The following GPC6 variants were observed in gnomAD, a reference collection of about 807,000 sequenced individuals.
The protein encoded by GPC6 is glypican-6.
Under a neutral mutation model 55.2 loss-of-function variants are expected in GPC6, and 14 were observed. That is an observed-to-expected ratio of 0.25 (90% CI 0.17 to 0.40). The LOEUF is 0.40. Ranked by LOEUF, GPC6 falls within the 10% of genes least tolerant of loss-of-function variation. The pLI is 1.00. For synonymous variants in GPC6, 278 were observed against 259.6 expected, an observed-to-expected ratio of 1.07 and a Z score of -0.68; for missense variants, 641 against 708.5, an observed-to-expected ratio of 0.90 and a Z score of 1.08.
intron 1 of GPC6, among the ~76,000 whole-genome samples, chr13:93,519,354 T>C (rs1308974199): frequency 3.9e-5 from 6 of 152,000 alleles, no homozygotes; most frequent in Admixed American, 1.3e-4. Flanking sequence ...TACACACACA[T>C]ACACACACAT....
At chr13:93,633,138 G>A (rs922655446) in intron 2 of GPC6, among the ~76,000 whole-genome samples, 2 of 152,122 alleles carry the variant, frequency 1.3e-5, no homozygotes, top group African/African-American at 4.8e-5. Context: ...GGTCATACTT[G>A]TGAGAAACTG....
intron 2 of GPC6, among the ~76,000 whole-genome samples, chr13:93,688,403 A>C (rs1882127451): frequency 6.6e-6 from 1 of 152,106 alleles, no homozygotes; most frequent in African/African-American, 2.4e-5. Context: ...TTACCATGTG[A>C]TCCAGCAATT....
At chr13:94,040,375 A>G (rs970772633) in intron 4 of GPC6, among the ~76,000 whole-genome samples, 14 of 151,980 alleles carry the variant, frequency 9.2e-5, no homozygotes, top group East Asian at 3.9e-4. Context: ...AAGGAACAAC[A>G]CAAATATACA....
At chr13:93,697,023 C>T (rs1882484517) in intron 2 of GPC6, among the ~76,000 whole-genome samples, 1 of 152,148 alleles carries the variant, frequency 6.6e-6, no homozygotes, top group African/African-American at 2.4e-5. Flanking sequence ...CAAGGAATCC[C>T]TTTCTCCATA....
At chr13:93,701,394 T>C (rs1882664455) in intron 2 of GPC6, among the ~76,000 whole-genome samples, 1 of 150,732 alleles carries the variant, frequency 6.6e-6, no homozygotes, top group African/African-American at 2.5e-5. Flanking sequence ...ATAAATACTT[T>C]ATTGCTAAAA....
chr13:93,699,743 C>T (rs924950714), intron 2 of GPC6, among the ~76,000 whole-genome samples: 1 of 152,032 alleles, frequency 6.6e-6, no homozygotes, highest in Non-Finnish European at 1.5e-5. Flanking sequence ...GATTCTATTA[C>T]TATGGATATA....
intron 3 of GPC6, among the ~76,000 whole-genome samples, chr13:93,944,829 AG>A (rs1379979329): frequency 6.6e-6 from 1 of 152,130 alleles, no homozygotes; most frequent in African/African-American, 2.4e-5. Flanking sequence ...TCCTGCAGAA[AG>A]GGTTTGTGTT....
intron 2 of GPC6, among the ~76,000 whole-genome samples, chr13:93,574,208 A>G (rs9561399): frequency 0.11 from 17,192 of 152,152 alleles, 1,440 homozygotes; most frequent in East Asian, 0.43. Flanking sequence ...CCCTTATTTG[A>G]CAATAAGTTT....
chr13:94,245,330 G>T (rs765112148), intron 4 of GPC6, among the ~76,000 whole-genome samples: 12 of 151,756 alleles, frequency 7.9e-5, no homozygotes, highest in Non-Finnish European at 1.3e-4. Context: ...AGGTTGAGGC[G>T]GGAGAATTTC....
chr13:93,660,229 A>G (rs945137022), intron 2 of GPC6, among the ~76,000 whole-genome samples: 3 of 152,168 alleles, frequency 2.0e-5, no homozygotes, highest in Admixed American at 2.0e-4. Context: ...TTTAGGAAGT[A>G]AAATAGAGCT....
intron 2 of GPC6, among the ~76,000 whole-genome samples, chr13:93,717,973 G>T (rs940858743): frequency 2.6e-5 from 4 of 151,818 alleles, no homozygotes; most frequent in African/African-American, 7.3e-5. Context: ...GTATTCCATG[G>T]TATATATGTG....
At position 93,836,640 on chromosome 13, in the gene GPC6, A is replaced by G. The variant is rs534803057; in HGVS notation, c.711+6095A>G. On this transcript the variant is annotated intron_variant, in intron 3 of 8. Coordinates refer to ENST00000377047, the MANE Select transcript of GPC6 (RefSeq NM_005708.5). ...TTATCAATGATGTTTCTATGCTTAC[A>G]ACTTTTAAATCAGCATAATCTGTGA... Among the ~76,000 whole-genome samples the G allele has an allele frequency of 3.9e-5, 6 of 152,336 alleles. No individual in the cohort carries two copies. The South Asian group carries it at 1.2e-3, about 32-fold the overall frequency.
At chr13:93,783,460 G>A (rs537192724) in intron 2 of GPC6, among the ~76,000 whole-genome samples, 13 of 152,178 alleles carry the variant, frequency 8.5e-5, no homozygotes, top group Middle Eastern at 3.4e-3. Context: ...GTGTAAAAGC[G>A]TTCCTGTTTC....
chr13:93,329,060 T>A (rs777470175), intron 1 of GPC6, among the ~76,000 whole-genome samples: 1 of 152,152 alleles, frequency 6.6e-6, no homozygotes, highest in African/African-American at 2.4e-5. Flanking sequence ...TTATCTTGAG[T>A]AAAATCATCT....
intron 6 of GPC6, 35 bp from the exon 7 acceptor site, chr13:94,382,379 G>T: frequency 6.2e-7 from 1 of 1,612,632 alleles, no homozygotes; most frequent in Non-Finnish European, 8.5e-7. Flanking sequence ...AGCCTGAGCA[G>T]AATACTCACT....
upstream of GPC6, among the ~76,000 whole-genome samples, chr13:93,226,260 G>A (rs1467219245): frequency 6.6e-6 from 1 of 151,988 alleles, no homozygotes; most frequent in Non-Finnish European, 1.5e-5. Context: ...TAGCTTTCCC[G>A]ATCCTCCACA....
chr13:94,075,479 A>G (rs1884880087), intron 4 of GPC6, among the ~76,000 whole-genome samples: 1 of 152,020 alleles, frequency 6.6e-6, no homozygotes, highest in South Asian at 2.1e-4. Flanking sequence ...CATGAGATCT[A>G]CCCACTTAAT....
At chr13:93,441,641 G>T (rs4378503) in intron 1 of GPC6, among the ~76,000 whole-genome samples, 32,242 of 152,098 alleles carry the variant, frequency 0.21, 3,578 homozygotes, top group Middle Eastern at 0.29. Flanking sequence ...CATGTTGTAG[G>T]TTGCCTGTTC....
upstream of GPC6, among the ~76,000 whole-genome samples, chr13:93,224,893 ACTAAT>A (rs1321855536): frequency 6.6e-6 from 1 of 152,210 alleles, no homozygotes; most frequent in Non-Finnish European, 1.5e-5. Flanking sequence ...ATGGAATTAA[ACTAAT>A]CTATTTAGTC....
Sources: allele counts gnomAD v4.1 joint callset (sites outside exome capture counted in the v4.1 genomes callset), GRCh38; gene constraint gnomAD v4.1.1; transcripts MANE v1.5; gene names NCBI Gene and HGNC (gene_info 2026-07-23, HGNC 2026-07-21).